Variants in NALCN observed in about 807,000 individuals in gnomAD.
The protein encoded by NALCN is sodium leak channel, non-selective.
Under a neutral mutation model 225.3 loss-of-function variants are expected in NALCN, and 111 were observed. The observed-to-expected ratio is 0.49, with a 90% confidence interval of 0.42 to 0.58. The LOEUF is 0.58. NALCN is among the 20% of genes least tolerant of loss of function. NALCN has a pLI of 0.00. For missense variants in NALCN, 1,378 were observed against 2,202.4 expected (o/e 0.63, Z 7.49); for synonymous variants, 764 against 769.0 (o/e 0.99, Z 0.11).
At chr13:101,389,217 C>A (rs2047074561) in intron 3 of NALCN, among the ~76,000 whole-genome samples, 1 of 152,166 alleles carries the variant, frequency 6.6e-6, no homozygotes, top group Non-Finnish European at 1.5e-5. Flanking sequence ...CTTCCATAAA[C>A]CAGTAGATTT....
At chr13:101,160,645 TTTTTGTTTTG>T (rs917625050) in intron 15 of NALCN, among the ~76,000 whole-genome samples, 4 of 152,132 alleles carry the variant, frequency 2.6e-5, no homozygotes, top group Non-Finnish European at 5.9e-5. Context: ...CCTGTTCTGT[TTTTTGTTTTG>T]TTTTGTTTTT....
At position 101,307,085 on chromosome 13, in the gene NALCN, T is replaced by C. The variant is rs554082094; in HGVS notation, c.800-14719A>G. Among the ~76,000 whole-genome samples, 8 of 152,356 alleles carry C rather than the reference T, an allele frequency of 5.3e-5. No individual in the cohort carries two copies. The South Asian group carries it at 1.4e-3, about 28-fold the overall frequency. Reference sequence around the variant, plus strand: ...ATCTTGTTTGGGGCCATTATTGTTATGAACTTCTAAGTCAGGGTAAGGTCT... The same window carrying C: ...ATCTTGTTTGGGGCCATTATTGTTACGAACTTCTAAGTCAGGGTAAGGTCT... On this transcript the variant is annotated intron_variant, in intron 7 of 43. Transcript: ENST00000251127.
At chr13:101,402,519 G>A (rs1024420292) in intron 1 of NALCN, among the ~76,000 whole-genome samples, 1 of 152,072 alleles carries the variant, frequency 6.6e-6, no homozygotes, top group Non-Finnish European at 1.5e-5. Flanking sequence ...TAACTGCAGC[G>A]CCCTTGCAAC....
chr13:101,075,264 G>A (rs976362626), intron 35 of NALCN, among the ~76,000 whole-genome samples: 1 of 152,108 alleles, frequency 6.6e-6, no homozygotes, highest in African/African-American at 2.4e-5. Flanking sequence ...ATCTCATCCT[G>A]GCTAACGTGG....
chr13:101,332,442 C>A (rs928291840), intron 7 of NALCN, among the ~76,000 whole-genome samples: 1 of 144,276 alleles, frequency 6.9e-6, no homozygotes, highest in African/African-American at 2.6e-5. Flanking sequence ...AAATTCGACT[C>A]ACGGTAGGCT....
At chr13:101,344,794 C>T (rs79154494) in intron 7 of NALCN, among the ~76,000 whole-genome samples, 3,073 of 152,276 alleles carry the variant, frequency 0.02, 109 homozygotes, top group African/African-American at 0.07. Context: ...TGCATATTCA[C>T]TAAGTAGTTC....
At chr13:101,167,711 G>T (rs140187658) in intron 15 of NALCN, among the ~76,000 whole-genome samples, 36,011 of 150,990 alleles carry the variant, frequency 0.24, 5,055 homozygotes, top group Non-Finnish European at 0.32. Flanking sequence ...GGTGGTGCAT[G>T]CCTGTAATCC....
In NALCN at chr13:101,395,212, C is replaced by T. The variant is rs1475937230; in HGVS notation, c.262G>A (p.Ala88Thr). The T allele has an allele frequency of 2.2e-5, 35 of 1,613,154 alleles. No homozygotes were observed. Among genetic ancestry groups the T allele is most frequent in the Non-Finnish European group, 2.8e-5 (33 of 1,179,666 alleles). ...ACAATGCCCCGGATGTGCATTTTTG[C>T]TATCATCTCTGCCGTGTAGAGAAAC... ...LMFLYTAEMI[A>T]KMHIRGIVKG... Residue 88 changes from alanine to threonine, a missense_variant, in exon 3 of 44, where the codon GCA becomes ACA. Physicochemically the swap from Ala to Thr is moderately conservative, Grantham distance 58. Transcript: ENST00000251127.
At chr13:101,304,171 A>G (rs1173319657) in intron 7 of NALCN, among the ~76,000 whole-genome samples, 2 of 152,278 alleles carry the variant, frequency 1.3e-5, no homozygotes, top group East Asian at 3.9e-4. Flanking sequence ...AATGATTTTT[A>G]TTTTAAGTTT....
At position 101,228,641 on chromosome 13, in the gene NALCN, C is replaced by T. The variant is rs531770051; in HGVS notation, c.1626+752G>A. 3.3e-5 allele frequency among the ~76,000 whole-genome samples: 5 copies of T among 152,326 alleles called. No individual in the cohort carries two copies. The South Asian group carries it at 6.2e-4, about 19-fold the overall frequency. ...GTGAGGCCTCTCCAGCCACGTGGAA[C>T]TGTGAGTCCATTAAACCTCTTTTTC... On this transcript the variant is annotated intron_variant, in intron 13 of 43. Transcript: ENST00000251127.
At chr13:101,299,212 C>T (rs1338918210) in intron 7 of NALCN, among the ~76,000 whole-genome samples, 4 of 152,106 alleles carry the variant, frequency 2.6e-5, no homozygotes, top group Non-Finnish European at 5.9e-5. Flanking sequence ...AAAATTCCTG[C>T]TATGTAGTAA....
intron 13 of NALCN, among the ~76,000 whole-genome samples, chr13:101,224,835 G>A (rs2041076938): frequency 6.6e-6 from 1 of 152,100 alleles, no homozygotes; most frequent in African/African-American, 2.4e-5. Flanking sequence ...TTTACAACAA[G>A]CCTCACTTTG....
intron 34 of NALCN, among the ~76,000 whole-genome samples, chr13:101,079,091 C>A (rs996281189): frequency 5.3e-5 from 8 of 152,204 alleles, no homozygotes; most frequent in Non-Finnish European, 2.9e-5. Flanking sequence ...TTGCCTGGGG[C>A]CTTCCCAGCC....
intron 13 of NALCN, among the ~76,000 whole-genome samples, chr13:101,224,624 T>C (rs1399283385): frequency 2.6e-5 from 4 of 152,110 alleles, no homozygotes. Context: ...TTCATGACCT[T>C]TGAACAGGAA....
At chr13:101,218,170 A>G (rs2040811996) in intron 13 of NALCN, among the ~76,000 whole-genome samples, 1 of 152,168 alleles carries the variant, frequency 6.6e-6, no homozygotes, top group African/African-American at 2.4e-5. Flanking sequence ...GCCTGGGAAC[A>G]GAGGACCCAC....
chr13:101,236,955 A>T (rs9554762), intron 12 of NALCN, among the ~76,000 whole-genome samples: 4 of 23,184 alleles, frequency 1.7e-4, no homozygotes, highest in East Asian at 0.056. Context: ...AATAATATAA[A>T]ATAAAATAAA....
At chr13:101,224,515 A>AC (rs1448457567) in intron 13 of NALCN, among the ~76,000 whole-genome samples, 8 of 152,158 alleles carry the variant, frequency 5.3e-5, no homozygotes, top group Non-Finnish European at 8.8e-5. Flanking sequence ...TAAACCTTAC[A>AC]CAATCCCTCT....
At chr13:101,146,451 C>T (rs1420703387) in intron 15 of NALCN, among the ~76,000 whole-genome samples, 1 of 152,154 alleles carries the variant, frequency 6.6e-6, no homozygotes, top group Non-Finnish European at 1.5e-5. Context: ...AAAGTAGTAG[C>T]ATCTCTGTGA....
In NALCN at chr13:101,083,171, T is replaced by C; in HGVS notation, c.3611A>G (p.Tyr1204Cys). 6.2e-7 allele frequency: 1 copy of C among 1,614,160 alleles called. No individual in the cohort carries two copies. Among genetic ancestry groups the C allele is most frequent in the Non-Finnish European group, 8.5e-7 (1 of 1,179,982 alleles). Residue 1204 changes from tyrosine (Y) to cysteine (C), a missense_variant, in exon 32 of 44, where the codon TAT (tyrosine) becomes TGT (cysteine). Coordinates refer to ENST00000251127, the MANE Select transcript of NALCN (RefSeq NM_052867.4). ...AAAAAATGGATGCTGGGTTATGTCA[T>C]ACATTTTAGCTCTAAAACCATCATT... is the stretch of plus-strand genomic sequence containing the variant. ...PDNDGFRAKM[Y>C]DITQHPFFKR...
Sources: gnomAD v4.1 joint callset for allele counts (sites outside exome capture counted in the v4.1 genomes callset) on GRCh38, gnomAD v4.1.1 for gene constraint, MANE v1.5 for transcripts, NCBI Gene and HGNC (gene_info 2026-07-23, HGNC 2026-07-21) for gene names.